Variants in AUTS2 observed in about 807,000 individuals in gnomAD.
AUTS2 encodes autism susceptibility gene 2 protein.
Under a neutral mutation model 112.4 loss-of-function variants are expected in AUTS2, and 17 were observed. The ratio of observed to expected loss-of-function variants is 0.15; its 90% confidence interval spans 0.10 to 0.23. The LOEUF (loss-of-function observed/expected upper bound fraction) is 0.23, where lower values mean the gene tolerates loss of function less well. Ranked by LOEUF, AUTS2 falls within the 10% of genes least tolerant of loss-of-function variation. The pLI, the probability that AUTS2 is intolerant of heterozygous loss-of-function variation, is 1.00. For synonymous variants in AUTS2, 751 were observed against 702.7 expected (o/e 1.07, Z -1.09); for missense variants, 1,510 against 1,701.6 (o/e 0.89, Z 1.98).
intron 5 of AUTS2, among the ~76,000 whole-genome samples, chr7:70,540,636 G>C (rs1800517351): frequency 6.6e-6 from 1 of 152,128 alleles, no homozygotes; most frequent in Non-Finnish European, 1.5e-5. Flanking sequence ...TCATGGTATT[G>C]GTTTGGGAGG....
intron 1 of AUTS2, among the ~76,000 whole-genome samples, chr7:69,674,684 C>T (rs2129160306): frequency 6.6e-6 from 1 of 152,090 alleles, no homozygotes; most frequent in Admixed American, 6.5e-5. Flanking sequence ...ATTTATTGGG[C>T]AAAAATGAAT....
intron 1 of AUTS2, among the ~76,000 whole-genome samples, chr7:69,630,117 C>T (rs1035571315): frequency 5.3e-5 from 8 of 152,038 alleles, no homozygotes; most frequent in South Asian, 2.1e-4. Context: ...ATTAGCCAGG[C>T]GTAGTGGTGC....
intron 1 of AUTS2, among the ~76,000 whole-genome samples, chr7:69,723,857 A>G (rs372450899): frequency 3.3e-5 from 5 of 152,312 alleles, no homozygotes; most frequent in East Asian, 3.9e-4. Context: ...AGTGAAATGG[A>G]TGAGTAGTCT....
intron 2 of AUTS2, among the ~76,000 whole-genome samples, chr7:70,083,998 C>G (rs1445049495): frequency 6.6e-6 from 1 of 151,934 alleles, no homozygotes; most frequent in Non-Finnish European, 1.5e-5. Context: ...CCTCCTTTCT[C>G]TTTGTAATTC....
At chr7:70,228,470 C>CT (rs780121030) in intron 4 of AUTS2, among the ~76,000 whole-genome samples, 5 of 151,178 alleles carry the variant, frequency 3.3e-5, no homozygotes, top group Admixed American at 6.6e-5. Flanking sequence ...TGATTTTCAT[C>CT]TTTTTTTGTT....
At chr7:69,680,619 A>C (rs1413414963) in intron 1 of AUTS2, among the ~76,000 whole-genome samples, 2 of 152,132 alleles carry the variant, frequency 1.3e-5, no homozygotes, top group African/African-American at 4.8e-5. Flanking sequence ...TGTTCCCTCC[A>C]GCCCCTGGTA....
Position 70,522,752 on chromosome 7 carries a change from G to A in AUTS2, c.690+86971G>A, listed in dbSNP as rs747742887. 2.0e-5 allele frequency among the ~76,000 whole-genome samples: 3 copies of A among 152,156 alleles called. 1 individual carries two copies. Among genetic ancestry groups the A allele is most frequent in the Non-Finnish European group, 4.4e-5 (3 of 68,036 alleles). ...CTGTGTCTTTGCTATTGTGAATAGT[G>A]TTGCAGTGAACACATTTGTGCATGT... On this transcript the variant is annotated intron_variant, in intron 5 of 18. Coordinates refer to ENST00000342771, the MANE Select transcript of AUTS2 (RefSeq NM_015570.4).
chr7:69,997,487 A>G (rs143190037), intron 2 of AUTS2, among the ~76,000 whole-genome samples: 152 of 152,302 alleles, frequency 1.0e-3, no homozygotes, highest in African/African-American at 3.4e-3. Context: ...ATAAACGAAT[A>G]CCTGAGACTG....
intron 1 of AUTS2, among the ~76,000 whole-genome samples, chr7:69,678,176 A>T (rs1796642199): frequency 6.6e-6 from 1 of 152,056 alleles, no homozygotes; most frequent in East Asian, 1.9e-4. Context: ...AGGCACAGGA[A>T]AAACTCGTCC....
At chr7:70,474,408 G>C (rs1394505752) in intron 5 of AUTS2, among the ~76,000 whole-genome samples, 4 of 152,148 alleles carry the variant, frequency 2.6e-5, no homozygotes, top group Non-Finnish European at 4.4e-5. Flanking sequence ...GCCGACTCCA[G>C]ACTCATCCAG....
chr7:70,109,244 C>G (rs949354739), intron 2 of AUTS2, among the ~76,000 whole-genome samples: 2 of 152,040 alleles, frequency 1.3e-5, no homozygotes, highest in African/African-American at 4.8e-5. Context: ...AATATTGTCT[C>G]TAAATTACTT....
chr7:70,413,340 T>C (rs1794854570), intron 4 of AUTS2, among the ~76,000 whole-genome samples: 1 of 152,160 alleles, frequency 6.6e-6, no homozygotes, highest in East Asian at 1.9e-4. Context: ...AGGGATTCAG[T>C]AAATGATTGC....
At chr7:70,076,775 G>A (rs1313026878) in intron 2 of AUTS2, among the ~76,000 whole-genome samples, 7 of 152,164 alleles carry the variant, frequency 4.6e-5, no homozygotes, top group Non-Finnish European at 8.8e-5. Context: ...AGATAAATGG[G>A]AAACCCTGTG....
intron 1 of AUTS2, among the ~76,000 whole-genome samples, chr7:69,746,658 C>T (rs551458996): frequency 1.3e-5 from 2 of 152,062 alleles, no homozygotes; most frequent in Admixed American, 6.6e-5. Flanking sequence ...GTCAGCCTGA[C>T]TAGAGCAGAG....
At chr7:69,649,129 A>G (rs77820530) in intron 1 of AUTS2, among the ~76,000 whole-genome samples, 5,220 of 152,250 alleles carry the variant, frequency 0.034, 125 homozygotes, top group Middle Eastern at 0.082. Flanking sequence ...ACGTGTGTAC[A>G]TGGTGCTGTT....
intron 5 of AUTS2, among the ~76,000 whole-genome samples, chr7:70,447,437 AGTGCTTAGAT>A (rs1796362231): frequency 6.6e-6 from 1 of 152,256 alleles, no homozygotes; most frequent in African/African-American, 2.4e-5. Flanking sequence ...TTGTTTAAAT[AGTGCTTAGAT>A]GTGCTATACA....
chr7:69,621,721 A>T (rs1279413678), intron 1 of AUTS2, among the ~76,000 whole-genome samples: 7 of 152,104 alleles, frequency 4.6e-5, no homozygotes, highest in African/African-American at 1.7e-4. Context: ...TCTAGGGAGG[A>T]GGGTGGTAGA....
chr7:70,544,686 A>G (rs1054050302), intron 5 of AUTS2, among the ~76,000 whole-genome samples: 5 of 152,128 alleles, frequency 3.3e-5, no homozygotes, highest in African/African-American at 1.2e-4. Context: ...TTCCACTTTG[A>G]CCACCAGGAG....
intron 1 of AUTS2, among the ~76,000 whole-genome samples, chr7:69,706,109 C>G (rs375962254): frequency 6.6e-6 from 1 of 152,178 alleles, no homozygotes; most frequent in African/African-American, 2.4e-5. Context: ...TGTTGTCTTT[C>G]TTCTGGCAGT....
Sources: allele counts gnomAD v4.1 joint callset (sites outside exome capture counted in the v4.1 genomes callset), GRCh38; gene constraint gnomAD v4.1.1; transcripts MANE v1.5; gene names NCBI Gene and HGNC (gene_info 2026-07-23, HGNC 2026-07-21).